The following SYT14 variants were observed in gnomAD, a reference collection of about 807,000 sequenced individuals.
SYT14 encodes synaptotagmin 14, also known as synaptotagmin-14.
In SYT14, 32 loss-of-function variants were observed where a neutral mutation model predicts 74.2. That is an observed-to-expected ratio of 0.43 (90% CI 0.33 to 0.58). The LOEUF is 0.58. Ranked by LOEUF, SYT14 falls within the 20% of genes least tolerant of loss-of-function variation. The pLI is 0.05. For synonymous variants in SYT14, 298 were observed against 337.7 expected (o/e 0.88, Z 1.29); for missense variants, 791 against 981.8 (o/e 0.81, Z 2.60).
intron 2 of SYT14, among the ~76,000 whole-genome samples, chr1:209,993,067 T>C (rs227196): frequency 0.34 from 51,276 of 152,068 alleles, 9,733 homozygotes; most frequent in Non-Finnish European, 0.42. Context: ...TTGCTGGGGA[T>C]AGGCAGAGAC....
At chr1:210,002,168 A>C (rs1277823861) in intron 2 of SYT14, among the ~76,000 whole-genome samples, 1 of 152,168 alleles carries the variant, frequency 6.6e-6, no homozygotes, top group African/African-American at 2.4e-5. Context: ...AAATTTTGAA[A>C]CAAAATGAAG....
At chr1:209,966,369 T>C (rs1445539514) in intron 2 of SYT14, among the ~76,000 whole-genome samples, 1 of 152,194 alleles carries the variant, frequency 6.6e-6, no homozygotes, top group East Asian at 1.9e-4. Context: ...TTCTACAAAA[T>C]AGCCTGGTGG....
exon 10 of SYT14, chr1:210,168,330 G>T (rs1286223270): frequency 6.6e-6 from 1 of 152,076 alleles, no homozygotes; most frequent in Non-Finnish European, 1.5e-5. Flanking sequence ...GTTATAAATT[G>T]TCTTATTAGG....
intron 4 of SYT14, among the ~76,000 whole-genome samples, chr1:210,017,970 T>C (rs2080220386): frequency 6.6e-6 from 1 of 152,192 alleles, no homozygotes; most frequent in Non-Finnish European, 1.5e-5. Flanking sequence ...AGGAAGACTT[T>C]TCAGTTCTGC....
intron 7 of SYT14, among the ~76,000 whole-genome samples, chr1:210,108,677 T>C (rs754436506): frequency 9.2e-5 from 14 of 151,822 alleles, no homozygotes; most frequent in Non-Finnish European, 1.9e-4. Flanking sequence ...TCAATGTGTT[T>C]GGGATATAAA....
At position 210,130,597 on chromosome 1, in the gene SYT14, G is replaced by T. The variant is rs189195310; in HGVS notation, c.2035-25124G>T. Among the ~76,000 whole-genome samples, 23 of 152,218 alleles carry T rather than the reference G, an allele frequency of 1.5e-4. No individual in the cohort carries two copies. The East Asian group carries it at 3.1e-3, about 20-fold the overall frequency. On this transcript the variant is annotated intron_variant, in intron 7 of 9. Transcript: ENST00000637265. ...TAATTATCCACAAGGCCATTTTTAC[G>T]GTGTATAGTCCCACCTGGACTGTCC...
chr1:210,166,413 A>G (rs2083455977), exon 10 of SYT14: 1 of 152,230 alleles, frequency 6.6e-6, no homozygotes. Context: ...CAAAAATTTA[A>G]AAATTAGCTG....
intron 5 of SYT14, among the ~76,000 whole-genome samples, chr1:210,056,446 G>A (rs2081097886): frequency 6.6e-6 from 1 of 152,072 alleles, no homozygotes; most frequent in Non-Finnish European, 1.5e-5. Flanking sequence ...AGGAGGCAGA[G>A]CTCGAGCTCC....
intron 5 of SYT14, among the ~76,000 whole-genome samples, chr1:210,033,564 A>G (rs1230524978): frequency 6.6e-6 from 1 of 151,732 alleles, no homozygotes; most frequent in African/African-American, 2.4e-5. Flanking sequence ...TTTGCTTGAT[A>G]TGTACTCATA....
intron 2 of SYT14, chr1:209,965,819 C>T: frequency 2.4e-6 from 1 of 421,674 alleles, no homozygotes; most frequent in Non-Finnish European, 4.7e-6. Context: ...TGTGAAATGC[C>T]TTTATCCTTT....
intron 5 of SYT14, among the ~76,000 whole-genome samples, chr1:210,031,285 C>T (rs1368626702): frequency 6.6e-6 from 1 of 151,972 alleles, no homozygotes; most frequent in Non-Finnish European, 1.5e-5. Context: ...TGGAATAAAA[C>T]CCAGTTGGTT....
chr1:210,026,393 A>G (rs985079238), intron 5 of SYT14, among the ~76,000 whole-genome samples: 2 of 152,124 alleles, frequency 1.3e-5, no homozygotes, highest in African/African-American at 4.8e-5. Flanking sequence ...AGATGATTCT[A>G]TATGAAGATC....
intron 1 of SYT14, among the ~76,000 whole-genome samples, chr1:209,939,416 A>T (rs1381152561): frequency 1.3e-5 from 2 of 152,214 alleles, no homozygotes; most frequent in Admixed American, 1.3e-4. Context: ...TTTTTGTCGG[A>T]TCATGTGGAC....
rs148663072 is a variant in SYT14 at position 210,148,571 on chromosome 1, A to C, written c.2035-7150A>C. On this transcript the variant is annotated intron_variant, in intron 7 of 9. Transcript: ENST00000637265. The stretch of plus-strand genomic sequence containing the variant: ...GAGGTCTCAAAATTATAAGAGAATG[A>C]CTCTAGGAAAATAAATTTGAAAACA... 3.1e-3 allele frequency among the ~76,000 whole-genome samples: 476 copies of C among 152,202 alleles called. 5 individuals are homozygous for C. Among genetic ancestry groups the C allele is most frequent in the African/African-American group, 0.011 (454 of 41,540 alleles).
At chr1:210,146,477 G>C (rs941494901) in intron 7 of SYT14, among the ~76,000 whole-genome samples, 1 of 152,072 alleles carries the variant, frequency 6.6e-6, no homozygotes, top group Non-Finnish European at 1.5e-5. Flanking sequence ...AGTGTATTAG[G>C]TACTACAGTA....
At chr1:210,000,140 T>C (rs2079867978) in intron 2 of SYT14, among the ~76,000 whole-genome samples, 1 of 152,216 alleles carries the variant, frequency 6.6e-6, no homozygotes. Flanking sequence ...AAGTATTTGC[T>C]TTAAAATTGT....
chr1:209,952,619 T>C, intron 1 of SYT14, 90 bp from the exon 2 acceptor site: 1 of 1,156,496 alleles, frequency 8.6e-7, no homozygotes, highest in African/African-American at 1.5e-5. Flanking sequence ...TTGAGGTCAC[T>C]TTTAGGTGCT....
At chr1:210,011,676 G>T (rs1293453169) in intron 2 of SYT14, among the ~76,000 whole-genome samples, 1 of 152,178 alleles carries the variant, frequency 6.6e-6, no homozygotes, top group African/African-American at 2.4e-5. Context: ...ACCGGTTGTT[G>T]ACTTCATTTT....
rs142413960 is a variant in SYT14 at position 209,965,825 on chromosome 1, C to T, written c.-486+13069C>T. On this transcript the variant is annotated intron_variant, in intron 2 of 9. Transcript: ENST00000637265. ...TATCCTTTCTGTGAAATGCCTTTATCCTTTTGTATCAAATCAATAGATTAT... is the reference window on the plus strand; with the variant it reads ...TATCCTTTCTGTGAAATGCCTTTATTCTTTTGTATCAAATCAATAGATTAT... 1.7e-5 allele frequency: 7 copies of T among 422,846 alleles called. No homozygotes were observed. The East Asian group carries it at 5.1e-4, about 31-fold the overall frequency. 26.2% of individuals were successfully genotyped at this position (422,846 alleles called of 1,614,324 possible).
Sources: gnomAD v4.1 joint callset for allele counts (sites outside exome capture counted in the v4.1 genomes callset) on GRCh38, gnomAD v4.1.1 for gene constraint, MANE v1.5 for transcripts, NCBI Gene and HGNC (gene_info 2026-07-23, HGNC 2026-07-21) for gene names.